Variants in WDR45B observed in about 807,000 individuals in gnomAD.
WDR45B encodes WD repeat domain phosphoinositide-interacting protein 3.
Under a neutral mutation model 44.6 loss-of-function variants are expected in WDR45B, and 20 were observed. The ratio of observed to expected loss-of-function variants is 0.45; its 90% CI spans 0.32 to 0.65. WDR45B has a LOEUF of 0.65. Among genes scored for constraint, WDR45B ranks in the 30% least tolerant of loss-of-function variants. The probability of loss-of-function intolerance (pLI) is 0.05; values close to 1 mark genes in which losing one functional copy is unlikely to be tolerated. For missense variants in WDR45B, 323 were observed against 430.2 expected, an observed-to-expected ratio of 0.75 and a Z score of 2.20; for synonymous variants, 169 against 164.9, an observed-to-expected ratio of 1.02 and a Z score of -0.19.
At chr17:82,644,667 C>T (rs1278077164) in intron 1 of WDR45B, 2 of 158,196 alleles carry the variant, frequency 1.3e-5, no homozygotes, top group African/African-American at 2.4e-5. Flanking sequence ...CGTAGATGAT[C>T]GTGTGTTAAT....
intron 2 of WDR45B, among the ~76,000 whole-genome samples, chr17:82,643,442 A>T (rs1034273229): frequency 6.9e-6 from 1 of 145,250 alleles, no homozygotes; most frequent in Non-Finnish European, 1.5e-5. Context: ...CGGAAGAAGG[A>T]AAAAAAAAAA....
rs541542535 is a variant in WDR45B, at chr17:82,616,387, G to A, written c.928+137C>T. 1.9e-4 allele frequency: 262 copies of A among 1,392,014 alleles called. 7 individuals are homozygous for A. In the Admixed American group the frequency reaches 4.4e-3, roughly 23 times the overall value. The allele number at this position is 1,392,014 out of a possible 1,614,324, so 86.2% of individuals were successfully genotyped here. On this transcript the variant is annotated intron_variant, in intron 9 of 9. Coordinates refer to ENST00000392325, the MANE Select transcript of WDR45B (RefSeq NM_019613.4). The stretch of plus-strand genomic sequence containing the variant: ...TAAGCGGGACACACTGAGCCCACAG[G>A]AGAAATAAGGGGAACTGGGCGGCCA...
At chr17:82,634,446 C>A (rs1376316840) in intron 2 of WDR45B, among the ~76,000 whole-genome samples, 3 of 151,936 alleles carry the variant, frequency 2.0e-5, no homozygotes, top group Non-Finnish European at 1.5e-5. Context: ...CGAGATCTCG[C>A]CAGTGCACTC....
chr17:82,622,800 A>G (rs1342682758), intron 5 of WDR45B, among the ~76,000 whole-genome samples: 6 of 151,914 alleles, frequency 3.9e-5, no homozygotes, highest in Non-Finnish European at 8.8e-5. Flanking sequence ...ACCTCTTATC[A>G]AGGCAGGATG....
intron 7 of WDR45B, among the ~76,000 whole-genome samples, chr17:82,618,230 A>G (rs577233877): frequency 5.3e-5 from 8 of 152,220 alleles, no homozygotes; most frequent in Non-Finnish European, 1.2e-4. Context: ...GCGCCCGGCT[A>G]TATTAATTAC....
rs1359643142 is a variant in WDR45B at position 82,643,958 on chromosome 17, C to G, written c.133G>C (p.Glu45Gln). 2 of 1,614,004 alleles carry G rather than the reference C, an allele frequency of 1.2e-6. No homozygotes were observed. Among genetic ancestry groups the G allele is most frequent in the South Asian group, 1.1e-5 (1 of 91,060 alleles). Residue 45 changes from glutamate (E) to glutamine (Q), a missense_variant, in exon 2 of 10, where the codon GAG becomes CAG. Glu to Gln is a conservative substitution (Grantham distance 29). Transcript: ENST00000392325. ...VYNTDPLKEK[E>Q]KQEFLEGGVG... is the part of the protein sequence containing the mutation. Reference sequence around the variant, plus strand: ...TCCCGTTAATTCTTACCTTGTTTCTCTTTTTCTTTTAGTGGATCAGTGTTA... The same window carrying G: ...TCCCGTTAATTCTTACCTTGTTTCTGTTTTTCTTTTAGTGGATCAGTGTTA...
intron 2 of WDR45B, among the ~76,000 whole-genome samples, chr17:82,633,162 C>CAA (rs57003725): frequency 8.6e-6 from 1 of 116,230 alleles, no homozygotes; most frequent in South Asian, 2.8e-4. Context: ...GACTCCATCT[C>CAA]AAAAAAAAAA....
At chr17:82,641,375 T>C (rs1456866656) in intron 2 of WDR45B, among the ~76,000 whole-genome samples, 1 of 152,224 alleles carries the variant, frequency 6.6e-6, no homozygotes, top group African/African-American at 2.4e-5. Context: ...CATACAGGTT[T>C]TCACCCACGG....
At position 82,615,802 on chromosome 17, in the gene WDR45B, C is replaced by A; in HGVS notation, c.*117G>T. 1.1e-6 allele frequency: 1 copy of A among 910,468 alleles called. No homozygotes were observed. Among genetic ancestry groups the A allele is most frequent in the African/African-American group, 1.6e-5 (1 of 61,294 alleles). The allele number at this position is 910,468 out of a possible 1,614,324, so 56.4% of individuals were successfully genotyped here. ...CAGACAACCACGTATGGCTTCGAGA[C>A]CAAGGTCCCTGGGCAGCCCCTCCAG... On this transcript the variant is annotated 3_prime_UTR_variant, in exon 10 of 10. Coordinates refer to ENST00000392325, the MANE Select transcript of WDR45B (RefSeq NM_019613.4).
In WDR45B at chr17:82,626,558, A is replaced by AG. The variant is rs1473356819; in HGVS notation, c.332+645dup. On this transcript the variant is annotated intron_variant, in intron 4 of 9. Coordinates refer to ENST00000392325, the MANE Select transcript of WDR45B (RefSeq NM_019613.4). ...CAAAAAAAAAAAAAAAAAAAAAAAA[A>AG]GGGCAGGGAGGTGAAATGACCTCTG... Among the ~76,000 whole-genome samples the AG allele has an allele frequency of 2.0e-5, 3 of 149,594 alleles. No individual in the cohort carries two copies. In the South Asian group the frequency reaches 6.4e-4, roughly 32 times the overall value.
chr17:82,615,485 A>C lies in WDR45B; in HGVS notation c.*434T>G. 4.2e-6 allele frequency: 1 copy of C among 236,620 alleles called. No homozygotes were observed. The allele number at this position is 236,620 out of a possible 1,614,324, so 14.7% of individuals were successfully genotyped here. Reference sequence around the variant, plus strand: ...GTTGTATTCAATCTGCTTATCATGTAAGAACTTACATCTGCACACTTGTTC... The same window carrying C: ...GTTGTATTCAATCTGCTTATCATGTCAGAACTTACATCTGCACACTTGTTC... On this transcript the variant is annotated 3_prime_UTR_variant, in exon 10 of 10. Transcript: ENST00000392325.
At chr17:82,630,779 C>T in intron 3 of WDR45B, 142 bp downstream of exon 3, 1 of 859,448 alleles carries the variant, frequency 1.2e-6, no homozygotes, top group Non-Finnish European at 2.0e-6. Context: ...GCCCTCTTCG[C>T]CTGCTTCCTC....
chr17:82,628,037 G>A (rs1037384606), intron 3 of WDR45B, among the ~76,000 whole-genome samples: 1 of 152,200 alleles, frequency 6.6e-6, no homozygotes, highest in African/African-American at 2.4e-5. Flanking sequence ...CTCTCGCCCA[G>A]GCTGGAGTGC....
At chr17:82,637,451 C>A (rs1052602644) in intron 2 of WDR45B, among the ~76,000 whole-genome samples, 3 of 151,918 alleles carry the variant, frequency 2.0e-5, no homozygotes, top group African/African-American at 7.3e-5. Flanking sequence ...ACAGCAAACC[C>A]CAGCTGGTCT....
intron 3 of WDR45B, among the ~76,000 whole-genome samples, chr17:82,628,466 C>T (rs1426866373): frequency 6.8e-6 from 1 of 147,156 alleles, no homozygotes; most frequent in Non-Finnish European, 1.5e-5. Flanking sequence ...GGGATGGGTG[C>T]GGTGGCTCAC....
At chr17:82,619,562 A>C (rs1392203388) in intron 6 of WDR45B, among the ~76,000 whole-genome samples, 2 of 43,322 alleles carry the variant, frequency 4.6e-5, no homozygotes, top group Non-Finnish European at 9.4e-5. Flanking sequence ...AAGGTGAGGC[A>C]AAAAAAAAAA....
rs1186876268 is a variant in WDR45B, at chr17:82,643,975, T to A, written c.116A>T (p.Asp39Val). Residue 39 changes from aspartate (D) to valine (V), a missense_variant, in exon 2 of 10, where the codon GAT (aspartate) becomes GTT (valine). By Grantham distance (152) the Asp-to-Val change is radical. Coordinates refer to ENST00000392325, the MANE Select transcript of WDR45B (RefSeq NM_019613.4). Reference protein sequence around the residue: ...MENGFRVYNTDPLKEKEKQEF... With the variant: ...MENGFRVYNTVPLKEKEKQEF... ...TTGTTTCTCTTTTTCTTTTAGTGGA[T>A]CAGTGTTATAGACTCGGAATCCATT... is the stretch of plus-strand genomic sequence containing the variant. 6.2e-7 allele frequency: 1 copy of A among 1,614,014 alleles called. No homozygotes were observed. The highest frequency in any genetic ancestry group is 1.3e-5 in the African/African-American group (1 of 74,922).
chr17:82,648,244 G>C (rs1228289318), intron 1 of WDR45B, 30 bp downstream of exon 1: 1 of 1,595,974 alleles, frequency 6.3e-7, no homozygotes. Flanking sequence ...AGGCCCGGCC[G>C]GGCAAGGCGA....
Position 82,615,849 on chromosome 17 carries a change from G to C in WDR45B, c.*70C>G, listed in dbSNP as rs559170477. The C allele has an allele frequency of 6.8e-6, 10 of 1,467,150 alleles. No homozygotes were observed. The East Asian group carries it at 2.3e-4, about 33-fold the overall frequency. The allele number at this position is 1,467,150 out of a possible 1,614,324, so 90.9% of individuals were successfully genotyped here. A position where few individuals can be genotyped will look rare whatever the true frequency, so the allele number is the denominator to read the frequency against. On this transcript the variant is annotated 3_prime_UTR_variant, in exon 10 of 10. Transcript: ENST00000392325. The stretch of plus-strand genomic sequence containing the variant: ...CCAGCCCGTGGCCCAGGAGGCCCCT[G>C]GGGCACTGGCACCAGCCCCGAGAGT...
Sources: gnomAD v4.1 joint callset for allele counts (sites outside exome capture counted in the v4.1 genomes callset) on GRCh38, gnomAD v4.1.1 for gene constraint, MANE v1.5 for transcripts, NCBI Gene and HGNC (gene_info 2026-07-23, HGNC 2026-07-21) for gene names.